The following TMEM43 variants were observed in gnomAD, a reference collection of about 807,000 sequenced individuals.
TMEM43 encodes arrhythmogenic right ventricular dysplasia 5.
TMEM43 carries 45 observed loss-of-function variants against 49.6 expected under a neutral mutation model. The ratio of observed to expected loss-of-function variants is 0.91; its 90% CI spans 0.71 to 1.16. The LOEUF (loss-of-function observed/expected upper bound fraction) is 1.16, where lower values mean the gene tolerates loss of function less well. TMEM43 is among the 50% of genes most tolerant of loss of function. TMEM43 has a pLI of 0.00. For missense variants in TMEM43, 532 were observed against 516.6 expected, an observed-to-expected ratio of 1.03 and a Z score of -0.29; for synonymous variants, 199 against 207.8, an observed-to-expected ratio of 0.96 and a Z score of 0.36.
At chr3:14,140,886 C>T (rs1695237546) in intron 11 of TMEM43, among the ~76,000 whole-genome samples, 1 of 152,214 alleles carries the variant, frequency 6.6e-6, no homozygotes, top group Non-Finnish European at 1.5e-5. Context: ...AGGGCTTGCT[C>T]TGCAAACCCA....
At chr3:14,127,929 T>C (rs575037655) in intron 1 of TMEM43, among the ~76,000 whole-genome samples, 1 of 152,312 alleles carries the variant, frequency 6.6e-6, no homozygotes, top group African/African-American at 2.4e-5. Context: ...TTTACATCTT[T>C]GTGACTTTTG....
chr3:14,125,394 C>T (rs1695004935), intron 1 of TMEM43, among the ~76,000 whole-genome samples, 189 bp downstream of exon 1: 2 of 152,256 alleles, frequency 1.3e-5, no homozygotes, highest in South Asian at 4.1e-4. Flanking sequence ...CCTGTCCAGG[C>T]TTCTTTTGTC....
chr3:14,135,803 C>T lies in TMEM43; in HGVS notation c.781-4C>T, dbSNP rs1445555724. ...TCAGCTCTAACACCAGGTCCTCTGA[C>T]CAGGTCACTGTGATTGCCCGGCAGC... is the stretch of plus-strand genomic sequence containing the variant. On this transcript the variant is annotated splice_region_variant and splice_polypyrimidine_tract_variant and intron_variant, in intron 9 of 11. Transcript: ENST00000306077. The T allele has an allele frequency of 3.1e-6, 5 of 1,612,528 alleles. No individual in the cohort carries two copies. The African/African-American group carries it at 5.3e-5, about 17-fold the overall frequency.
At chr3:14,127,068 T>C (rs1374218701) in intron 1 of TMEM43, among the ~76,000 whole-genome samples, 1 of 152,190 alleles carries the variant, frequency 6.6e-6, no homozygotes, top group African/African-American at 2.4e-5. Context: ...TGCTCATTTC[T>C]TCTAAGTCCT....
Position 14,134,777 on chromosome 3 carries a change from C to T in TMEM43, c.591C>T (p.Ile197=), listed in dbSNP as rs145024252. ...IGRFFLSSGL[I]DKVDNFKSLS... ...CCACTCTGGTCCCCTCAGGCCTCATCGACAAAGTCGACAACTTCAAGTCCC... is the reference window on the plus strand; with the variant it reads ...CCACTCTGGTCCCCTCAGGCCTCATTGACAAAGTCGACAACTTCAAGTCCC... Residue 197 remains isoleucine, a synonymous_variant, in exon 8 of 12, where the codon ATC becomes ATT. Transcript: ENST00000306077. The T allele has an allele frequency of 1.8e-5, 29 of 1,614,108 alleles. No homozygotes were observed. Among genetic ancestry groups the T allele is most frequent in the African/African-American group, 6.7e-5 (5 of 75,040 alleles).
intron 11 of TMEM43, among the ~76,000 whole-genome samples, chr3:14,140,384 A>AC (rs1488439116): frequency 6.6e-6 from 1 of 151,608 alleles, no homozygotes; most frequent in Non-Finnish European, 1.5e-5. Context: ...AATTCACTCT[A>AC]CGTCTGGAAT....
In TMEM43 at chr3:14,135,848, A is replaced by G. The variant is rs768035841; in HGVS notation, c.822A>G (p.Pro274=). Residue 274 remains proline (P), a synonymous_variant, in exon 10 of 12, where the codon CCA becomes CCG. Coordinates refer to ENST00000306077, the MANE Select transcript of TMEM43 (RefSeq NM_024334.3). ...GGCAGCGGGGTGACCAGCTAGTCCC[A>G]TTCTCCACCAAGTCTGGGGATACCT... is the stretch of plus-strand genomic sequence containing the variant. ...IARQRGDQLV[P]FSTKSGDTLL... is the part of the protein sequence containing the mutation. 1.9e-6 allele frequency: 3 copies of G among 1,613,908 alleles called. No individual in the cohort carries two copies. Among genetic ancestry groups the G allele is most frequent in the Admixed American group, 3.3e-5 (2 of 60,012 alleles).
intron 4 of TMEM43, 58 bp from the exon 5 acceptor site, chr3:14,132,488 G>T: frequency 6.2e-7 from 1 of 1,600,048 alleles, no homozygotes; most frequent in Non-Finnish European, 8.6e-7. Flanking sequence ...GATGCTTAGA[G>T]ATTAGACTGC....
chr3:14,132,720 A>G, intron 5 of TMEM43, 125 bp downstream of exon 5: 1 of 1,378,060 alleles, frequency 7.3e-7, no homozygotes, highest in Admixed American at 1.8e-5. Context: ...CCCTGGGTGC[A>G]AGTCTTCAGA....
At chr3:14,140,097 C>G (rs115887735) in intron 11 of TMEM43, among the ~76,000 whole-genome samples, 1 of 152,210 alleles carries the variant, frequency 6.6e-6, no homozygotes, top group African/African-American at 2.4e-5. Flanking sequence ...GGCTGCACAT[C>G]TTGGGCTGTC....
At chr3:14,134,287 G>C (rs1695138783) in intron 7 of TMEM43, among the ~76,000 whole-genome samples, 1 of 152,254 alleles carries the variant, frequency 6.6e-6, no homozygotes, top group African/African-American at 2.4e-5. Context: ...CCATGGGCCA[G>C]AGTAACCCTG....
chr3:14,133,071 C>T (rs1274157025), intron 6 of TMEM43, 136 bp downstream of exon 6: 3 of 769,818 alleles, frequency 3.9e-6, no homozygotes, highest in African/African-American at 3.5e-5. Context: ...GGTTTGAGAC[C>T]AAGCCCTGTG....
intron 10 of TMEM43, among the ~76,000 whole-genome samples, chr3:14,137,474 G>A (rs1023664528): frequency 7.9e-5 from 12 of 152,152 alleles, no homozygotes; most frequent in Admixed American, 4.6e-4. Context: ...TACCCCCTGG[G>A]TCTCCTGCTG....
chr3:14,126,292 C>T (rs1352376839), intron 1 of TMEM43, among the ~76,000 whole-genome samples: 3 of 152,198 alleles, frequency 2.0e-5, no homozygotes, highest in Non-Finnish European at 4.4e-5. Context: ...GACTCAGGCT[C>T]GGCCAGGCGA....
intron 7 of TMEM43, among the ~76,000 whole-genome samples, chr3:14,134,115 CCTT>C (rs1411863597): frequency 6.6e-6 from 1 of 152,196 alleles, no homozygotes; most frequent in African/African-American, 2.4e-5. Flanking sequence ...CTGAGACAGT[CCTT>C]CCTCAAGCAG....
At chr3:14,128,752 G>A (rs958208775) in intron 1 of TMEM43, 3 of 240,056 alleles carry the variant, frequency 1.2e-5, no homozygotes, top group Non-Finnish European at 2.5e-5. Context: ...TCTTCTTCAC[G>A]AGCCAGCAGT....
intron 9 of TMEM43, 121 bp downstream of exon 9, chr3:14,135,353 C>A (rs867715160): frequency 8.5e-6 from 7 of 819,362 alleles, no homozygotes; most frequent in Non-Finnish European, 1.4e-5. Flanking sequence ...GGCACACTCT[C>A]GCACACACTC....
intron 1 of TMEM43, among the ~76,000 whole-genome samples, chr3:14,125,630 A>AGCTGTCCAGCAATGGACAGACAGG (rs975808049): frequency 1.3e-5 from 2 of 152,130 alleles, no homozygotes; most frequent in Non-Finnish European, 2.9e-5. Context: ...GCCCAAGTGG[A>AGCTGTCCAGCAATGGACAGACAGG]GCTGTCCAGC....
Position 14,132,607 on chromosome 3 carries a change from G to A in TMEM43, c.442+12G>A. 3 of 1,614,036 alleles carry A rather than the reference G, an allele frequency of 1.9e-6. No homozygotes were observed. The highest frequency in any genetic ancestry group is 2.5e-6 in the Non-Finnish European group (3 of 1,179,946). ...GAGGTATTCCTACAGTGAGTGCTGG[G>A]CCCCTTACGTGGTCTCTGCCCATGG... On this transcript the variant is annotated intron_variant, in intron 5 of 11. Transcript: ENST00000306077.
Sources: allele counts gnomAD v4.1 joint callset (sites outside exome capture counted in the v4.1 genomes callset), GRCh38; gene constraint gnomAD v4.1.1; transcripts MANE v1.5; gene names NCBI Gene and HGNC (gene_info 2026-07-23, HGNC 2026-07-21).